Variants in RAB8B observed in about 807,000 individuals in gnomAD.
RAB8B encodes RAB8B, member RAS oncogene family.
A neutral mutation model predicts 32.0 loss-of-function variants in RAB8B; 11 were observed. That is an observed-to-expected ratio of 0.34 (90% confidence interval 0.22 to 0.57). The LOEUF (loss-of-function observed/expected upper bound fraction) is 0.57, where lower values mean the gene tolerates loss of function less well. Among genes scored for constraint, RAB8B ranks in the 20% least tolerant of loss-of-function variants. RAB8B has a pLI of 0.86. For missense variants in RAB8B, 190 were observed against 258.5 expected, an observed-to-expected ratio of 0.73 and a Z score of 1.82; for synonymous variants, 103 against 89.6, an observed-to-expected ratio of 1.15 and a Z score of -0.85.
chr15:63,191,132 T>A (rs978676929), intron 1 of RAB8B, among the ~76,000 whole-genome samples: 2 of 152,222 alleles, frequency 1.3e-5, no homozygotes, highest in African/African-American at 4.8e-5. Flanking sequence ...TTTGGTTGTG[T>A]TGGTGATGTT....
rs56015501 is a variant in RAB8B, at chr15:63,229,780, CAAAAAAAAAAAAAAAAA to C, written c.125-14962_125-14946del. Among the ~76,000 whole-genome samples, 60 of 35,986 alleles carry C rather than the reference CAAAAAAAAAAAAAAAAA, an allele frequency of 1.7e-3. 2 individuals are homozygous for C. The highest frequency in any genetic ancestry group is 2.5e-3 in the Non-Finnish European group (40 of 15,870). The allele number at this position is 35,986 out of a possible 152,430, so 23.6% of individuals were successfully genotyped here. On this transcript the variant is annotated intron_variant, in intron 1 of 7. Coordinates refer to ENST00000321437, the MANE Select transcript of RAB8B (RefSeq NM_016530.3). ...TAGGTGACAGAGCAAGACGCTGTTT[CAAAAAAAAAAAAAAAAA>C]AAAAAAAAAAAAAGAAGCCAAACCA...
chr15:63,237,414 G>A (rs1419495479), intron 1 of RAB8B, among the ~76,000 whole-genome samples: 1 of 152,014 alleles, frequency 6.6e-6, no homozygotes, highest in Non-Finnish European at 1.5e-5. Flanking sequence ...CCTATCTTTT[G>A]GATAAAAGCC....
At chr15:63,231,789 C>G (rs1379131559) in intron 1 of RAB8B, among the ~76,000 whole-genome samples, 3 of 152,174 alleles carry the variant, frequency 2.0e-5, no homozygotes, top group Non-Finnish European at 4.4e-5. Context: ...TCTGAACTTT[C>G]ATTCTTTAAG....
chr15:63,237,613 C>G (rs2037992278), intron 1 of RAB8B, among the ~76,000 whole-genome samples: 2 of 151,952 alleles, frequency 1.3e-5, no homozygotes, highest in Admixed American at 6.6e-5. Flanking sequence ...GTTTGAGCTC[C>G]TTATATATTC....
At chr15:63,216,031 G>A (rs897550132) in intron 1 of RAB8B, among the ~76,000 whole-genome samples, 2 of 151,230 alleles carry the variant, frequency 1.3e-5, no homozygotes, top group African/African-American at 2.4e-5. Context: ...GAATGAGACC[G>A]TCTCAAAAAA....
chr15:63,250,666 C>T (rs1048391227), intron 3 of RAB8B, among the ~76,000 whole-genome samples: 2 of 151,830 alleles, frequency 1.3e-5, no homozygotes, highest in Non-Finnish European at 2.9e-5. Context: ...GCCTTACTTC[C>T]ATGAGCTGTG....
At chr15:63,203,453 G>A (rs2037669502) in intron 1 of RAB8B, among the ~76,000 whole-genome samples, 1 of 152,200 alleles carries the variant, frequency 6.6e-6, no homozygotes, top group South Asian at 2.1e-4. Context: ...CTGTTACTGT[G>A]TGTATGATGT....
chr15:63,189,841 G>A, intron 1 of RAB8B, 93 bp downstream of exon 1: 1 of 1,377,892 alleles, frequency 7.3e-7, no homozygotes, highest in Non-Finnish European at 9.6e-7. Flanking sequence ...GGGAGCCCGG[G>A]AGAGGAGACC....
At chr15:63,200,386 G>A (rs566270835) in intron 1 of RAB8B, among the ~76,000 whole-genome samples, 1 of 152,202 alleles carries the variant, frequency 6.6e-6, no homozygotes, top group Admixed American at 6.5e-5. Context: ...TTTGGTTTGA[G>A]TAATAAAGCT....
chr15:63,237,179 G>A (rs1192199610), intron 1 of RAB8B, among the ~76,000 whole-genome samples: 1 of 152,226 alleles, frequency 6.6e-6, no homozygotes, highest in East Asian at 1.9e-4. Flanking sequence ...TCCAAATCTT[G>A]GCTATTGTGA....
At chr15:63,260,123 A>G (rs2038191423) in intron 6 of RAB8B, among the ~76,000 whole-genome samples, 1 of 152,194 alleles carries the variant, frequency 6.6e-6, no homozygotes, top group Non-Finnish European at 1.5e-5. Flanking sequence ...GTGAGCCACC[A>G]TACCCAGCTG....
At chr15:63,212,479 G>A (rs762466431) in intron 1 of RAB8B, among the ~76,000 whole-genome samples, 3 of 152,058 alleles carry the variant, frequency 2.0e-5, no homozygotes, top group Non-Finnish European at 2.9e-5. Flanking sequence ...ATTCTGATTG[G>A]GGATCAGAAG....
intron 1 of RAB8B, among the ~76,000 whole-genome samples, chr15:63,213,747 A>G (rs1450846343): frequency 6.6e-6 from 1 of 152,138 alleles, no homozygotes; most frequent in East Asian, 1.9e-4. Flanking sequence ...TACATTTTCC[A>G]TTTATTTCCA....
At chr15:63,235,252 G>A (rs2037968603) in intron 1 of RAB8B, among the ~76,000 whole-genome samples, 2 of 152,022 alleles carry the variant, frequency 1.3e-5, no homozygotes, top group South Asian at 4.1e-4. Context: ...GCATGGATGG[G>A]GTGGGCTACC....
rs182117989 is a variant in RAB8B, at chr15:63,260,191, G to A, written c.480+499G>A. On this transcript the variant is annotated intron_variant, in intron 6 of 7. Coordinates refer to ENST00000321437, the MANE Select transcript of RAB8B (RefSeq NM_016530.3). ...ATTTCTAGCATCTAGCCTCCACCTG[G>A]ATTATATTAGCTTGCTCAGTTAAGA... 2.4e-3 allele frequency among the ~76,000 whole-genome samples: 370 copies of A among 152,248 alleles called. 4 individuals carry two copies. Among genetic ancestry groups the A allele is most frequent in the African/African-American group, 7.9e-3 (330 of 41,542 alleles).
At chr15:63,205,512 A>C (rs1042590794) in intron 1 of RAB8B, among the ~76,000 whole-genome samples, 7 of 152,060 alleles carry the variant, frequency 4.6e-5, no homozygotes, top group African/African-American at 1.4e-4. Context: ...AACAAACAAA[A>C]AAAATACTCA....
chr15:63,198,854 C>G (rs572141253), intron 1 of RAB8B, among the ~76,000 whole-genome samples: 1 of 152,308 alleles, frequency 6.6e-6, no homozygotes, highest in Admixed American at 6.5e-5. Context: ...GCAGCATACT[C>G]TAATCTCCTT....
At position 63,248,875 on chromosome 15, in the gene RAB8B, TG is replaced by T. The variant is rs2038092348; in HGVS notation, c.186-768del. Among the ~76,000 whole-genome samples, 1 of 152,204 alleles carries T rather than the reference TG, an allele frequency of 6.6e-6. No homozygotes were observed. Among genetic ancestry groups the T allele is most frequent in the African/African-American group, 2.4e-5 (1 of 41,462 alleles). On this transcript the variant is annotated intron_variant, in intron 2 of 7. Coordinates refer to ENST00000321437, the MANE Select transcript of RAB8B (RefSeq NM_016530.3). The surrounding 1 kb of genome is among the most constrained non-coding windows in gnomAD (Gnocchi z 4.4). ...GCACAGGGAATGAATTAGTTCTGGC[TG>T]GAAGTGGGAAATTTGAGAATATTGA...
intron 1 of RAB8B, among the ~76,000 whole-genome samples, chr15:63,216,969 A>C (rs1036990827): frequency 5.3e-5 from 8 of 152,006 alleles, no homozygotes; most frequent in African/African-American, 1.9e-4. Context: ...GACTTTTGCT[A>C]GAGAGAAGTT....
Sources: allele counts gnomAD v4.1 joint callset (sites outside exome capture counted in the v4.1 genomes callset), GRCh38; gene constraint gnomAD v4.1.1; non-coding constraint Gnocchi (gnomAD v3.1); transcripts MANE v1.5; gene names NCBI Gene and HGNC (gene_info 2026-07-23, HGNC 2026-07-21).